The following GULP1 variants were observed in gnomAD, a reference collection of about 807,000 sequenced individuals.
The protein encoded by GULP1 is PTB domain-containing engulfment adapter protein 1.
A neutral mutation model predicts 40.9 loss-of-function variants in GULP1; 19 were observed. That is an observed-to-expected ratio of 0.46 (90% CI 0.32 to 0.68). The LOEUF is 0.68. Among genes scored for constraint, GULP1 ranks in the 30% least tolerant of loss-of-function variants. The probability of loss-of-function intolerance (pLI) is 0.03; values close to 1 mark genes in which losing one functional copy is unlikely to be tolerated. For missense variants in GULP1, 312 were observed against 362.2 expected, an observed-to-expected ratio of 0.86 and a Z score of 1.12; for synonymous variants, 119 against 117.6, an observed-to-expected ratio of 1.01 and a Z score of -0.08.
At chr2:188,437,125 T>C (rs963472177) in intron 2 of GULP1, among the ~76,000 whole-genome samples, 3 of 152,168 alleles carry the variant, frequency 2.0e-5, no homozygotes, top group Non-Finnish European at 2.9e-5. Context: ...TATGCTAATA[T>C]CTGTTTACTG....
intron 1 of GULP1, among the ~76,000 whole-genome samples, chr2:188,340,202 T>C (rs2042776839): frequency 6.6e-6 from 1 of 152,180 alleles, no homozygotes; most frequent in Non-Finnish European, 1.5e-5. Flanking sequence ...GTGAACTTAG[T>C]TAAATATAGA....
chr2:188,588,682 A>G (rs1268870939), intron 11 of GULP1: 1 of 152,120 alleles, frequency 6.6e-6, no homozygotes, highest in Admixed American at 6.6e-5. Context: ...ACAGACACCA[A>G]TTATATGAAG....
Position 188,584,256 on chromosome 2 carries a change from T to G in GULP1, c.610-9T>G. 1.3e-6 allele frequency: 2 copies of G among 1,591,048 alleles called. No homozygotes were observed. Among genetic ancestry groups the G allele is most frequent in the Non-Finnish European group, 1.7e-6 (2 of 1,160,304 alleles). On this transcript the variant is annotated splice_polypyrimidine_tract_variant and intron_variant, in intron 9 of 11. Coordinates refer to ENST00000409830, the MANE Select transcript of GULP1 (RefSeq NM_016315.4). ...AAATATTACCCTAATTCATTTATTT[T>G]CATTGCAGGCAGGCAGTATGACACC...
chr2:188,347,739 GAAT>G, intron 1 of GULP1, among the ~76,000 whole-genome samples: 1 of 150,392 alleles, frequency 6.6e-6, no homozygotes, highest in Non-Finnish European at 1.5e-5. Context: ...TCATACTCTT[GAAT>G]AATTGGGACT....
At chr2:188,506,058 G>T (rs996230529) in intron 4 of GULP1, among the ~76,000 whole-genome samples, 2 of 151,854 alleles carry the variant, frequency 1.3e-5, no homozygotes, top group South Asian at 2.1e-4. Flanking sequence ...GTTTCTAGAA[G>T]AATATATACA....
At chr2:188,346,621 T>C (rs1410508095) in intron 1 of GULP1, among the ~76,000 whole-genome samples, 2 of 151,198 alleles carry the variant, frequency 1.3e-5, no homozygotes, top group African/African-American at 4.9e-5. Context: ...GCCTCCCGAG[T>C]AACTGGGACT....
chr2:188,450,736 T>C (rs1453758442), intron 2 of GULP1, among the ~76,000 whole-genome samples: 3 of 152,170 alleles, frequency 2.0e-5, no homozygotes, highest in African/African-American at 7.2e-5. Context: ...TTCCCGTTTA[T>C]TAAGTGCATT....
chr2:188,438,290 T>G (rs1163649513), intron 2 of GULP1, among the ~76,000 whole-genome samples: 1 of 151,854 alleles, frequency 6.6e-6, no homozygotes, highest in Non-Finnish European at 1.5e-5. Context: ...GCCAATGCAG[T>G]CGCATGCCCA....
At chr2:188,421,000 C>T (rs1422896776) in intron 2 of GULP1, among the ~76,000 whole-genome samples, 1 of 152,066 alleles carries the variant, frequency 6.6e-6, no homozygotes, top group African/African-American at 2.4e-5. Context: ...TTCCTCATTT[C>T]CTCTCCAGAT....
intron 1 of GULP1, among the ~76,000 whole-genome samples, chr2:188,331,959 C>T (rs2041651524): frequency 6.6e-6 from 1 of 152,076 alleles, no homozygotes. Context: ...TATCTCCCCA[C>T]TACTTATCAT....
At chr2:188,533,216 G>A (rs1280182109) in intron 6 of GULP1, among the ~76,000 whole-genome samples, 1 of 152,068 alleles carries the variant, frequency 6.6e-6, no homozygotes, top group Non-Finnish European at 1.5e-5. Flanking sequence ...AATAGCGTAT[G>A]ATACTGTAGA....
chr2:188,334,454 TG>T (rs2042008397), intron 1 of GULP1, among the ~76,000 whole-genome samples: 1 of 152,184 alleles, frequency 6.6e-6, no homozygotes, highest in Non-Finnish European at 1.5e-5. Context: ...TTCAGACTTC[TG>T]GGTCTATAGC....
intron 1 of GULP1, among the ~76,000 whole-genome samples, chr2:188,331,312 A>G (rs1294063974): frequency 1.3e-5 from 2 of 152,218 alleles, no homozygotes; most frequent in African/African-American, 4.8e-5. Context: ...CCAGGGGCTC[A>G]TCAACTGGGA....
intron 7 of GULP1, among the ~76,000 whole-genome samples, chr2:188,559,840 G>A (rs1222982885): frequency 6.6e-6 from 1 of 152,112 alleles, no homozygotes; most frequent in Non-Finnish European, 1.5e-5. Context: ...TAAATCATCA[G>A]GGCGGTTTCC....
chr2:188,433,908 A>C (rs2057155476), intron 2 of GULP1, among the ~76,000 whole-genome samples: 1 of 149,952 alleles, frequency 6.7e-6, no homozygotes, highest in African/African-American at 2.4e-5. Context: ...GAGTGGCCTC[A>C]ATCCTTGTCC....
At chr2:188,484,044 C>T (rs2061652337) in intron 4 of GULP1, among the ~76,000 whole-genome samples, 1 of 152,040 alleles carries the variant, frequency 6.6e-6, no homozygotes, top group African/African-American at 2.4e-5. Context: ...CCACTTCAGC[C>T]TCTGGAGTAG....
At chr2:188,319,495 T>C (rs1372192784) in intron 1 of GULP1, among the ~76,000 whole-genome samples, 1 of 152,156 alleles carries the variant, frequency 6.6e-6, no homozygotes, top group Non-Finnish European at 1.5e-5. Flanking sequence ...TAAAGAGATT[T>C]GATTTTACAA....
At chr2:188,547,968 T>C (rs756315495) in intron 7 of GULP1, among the ~76,000 whole-genome samples, 1 of 151,950 alleles carries the variant, frequency 6.6e-6, no homozygotes, top group Non-Finnish European at 1.5e-5. Flanking sequence ...AAAATAGGAA[T>C]GGAAAGAACT....
chr2:188,294,609 CAAACT>C (rs1254307131), intron 1 of GULP1, among the ~76,000 whole-genome samples: 1 of 151,868 alleles, frequency 6.6e-6, no homozygotes, highest in African/African-American at 2.4e-5. Context: ...AACAAACAAA[CAAACT>C]AATGTGGTTT....
Sources: gnomAD v4.1 joint callset for allele counts (sites outside exome capture counted in the v4.1 genomes callset) on GRCh38, gnomAD v4.1.1 for gene constraint, MANE v1.5 for transcripts, NCBI Gene and HGNC (gene_info 2026-07-23, HGNC 2026-07-21) for gene names.